Variants in OR52A5 observed in about 807,000 individuals in gnomAD.
OR52A5 encodes olfactory receptor 52A5.
OR52A5 carries 16 observed loss-of-function variants against 18.2 expected under a neutral mutation model. That is an observed-to-expected ratio of 0.88 (90% CI 0.60 to 1.34). The LOEUF is 1.34. Among genes scored for constraint, OR52A5 ranks in the 40% most tolerant of loss-of-function variants. OR52A5 has a pLI of 0.00. For synonymous variants in OR52A5, 140 were observed against 137.2 expected (o/e 1.02, Z -0.14); for missense variants, 418 against 383.0 (o/e 1.09, Z -0.76).
rs556079495 is a variant in OR52A5 at position 5,134,963 on chromosome 11, G to A, written c.-60-2261C>T. The stretch of plus-strand genomic sequence containing the variant: ...CGGCTCACTGCAAGCTCCGCCTCCC[G>A]GGTTCACGCCATTCTCCTGCCTCAG... On this transcript the variant is annotated intron_variant, in intron 1 of 1. Transcript: ENST00000307388. 2.6e-3 allele frequency among the ~76,000 whole-genome samples: 397 copies of A among 152,134 alleles called. 1 individual carries two copies. The highest frequency in any genetic ancestry group is 9.3e-3 in the African/African-American group (386 of 41,500).
chr11:5,137,557 AG>A (rs1397989583), intron 1 of OR52A5, among the ~76,000 whole-genome samples: 5 of 150,876 alleles, frequency 3.3e-5, no homozygotes, highest in African/African-American at 1.2e-4. Flanking sequence ...ATCGCAGGAC[AG>A]CTTCCAGTGT....
At chr11:5,136,534 C>T (rs968989198) in intron 1 of OR52A5, among the ~76,000 whole-genome samples, 3 of 152,166 alleles carry the variant, frequency 2.0e-5, no homozygotes, top group Admixed American at 6.5e-5. Flanking sequence ...TGAAGAGGGA[C>T]ATATCTCTGG....
In OR52A5 at chr11:5,130,988, T is replaced by G. The variant is rs1047128044; in HGVS notation, c.*704A>C. The G allele has an allele frequency of 1.3e-5, 2 of 152,164 alleles. No homozygotes were observed. Among genetic ancestry groups the G allele is most frequent in the African/African-American group, 4.8e-5 (2 of 41,466 alleles). The allele number at this position is 152,164 out of a possible 1,614,324, so 9.4% of individuals were successfully genotyped here. ...TGGAATAAAATCTCTAGCATGGTTT[T>G]CTGTATGGTAAGATTGCATATTACT... On this transcript the variant is annotated 3_prime_UTR_variant, in exon 2 of 2. Transcript: ENST00000307388.
chr11:5,132,001 T>C lies in OR52A5; in HGVS notation c.642A>G (p.Ile214Met). The change falls in exon 2 of 2, where the codon ATA becomes ATG. Residue 214 changes from isoleucine (I) to methionine (M), a missense_variant. Ile to Met is a conservative substitution (Grantham distance 10). Coordinates refer to ENST00000307388, the MANE Select transcript of OR52A5 (RefSeq NM_001005160.3). ...FVAFAILGFD[I>M]IFITLSYVQI... The stretch of plus-strand genomic sequence containing the variant: ...GGACATAGGACAAGGTTATAAATAT[T>C]ATGTCAAACCCTAGGATTGCAAAGG... 6.2e-7 allele frequency: 1 copy of C among 1,614,212 alleles called. No homozygotes were observed. The highest frequency in any genetic ancestry group is 8.5e-7 in the Non-Finnish European group (1 of 1,180,042).
rs55658554 is a variant in OR52A5 at position 5,129,598 on chromosome 11, A to G, written c.*2094T>C. The G allele has an allele frequency of 0.21, 31,920 of 152,020 alleles. 3,727 individuals carry two copies. The highest frequency in any genetic ancestry group is 0.32 in the South Asian group (1,551 of 4,810). The allele number at this position is 152,020 out of a possible 1,614,324, so 9.4% of individuals were successfully genotyped here. A position where few individuals can be genotyped will look rare whatever the true frequency, so the allele number is the denominator to read the frequency against. On this transcript the variant is annotated 3_prime_UTR_variant, in exon 2 of 2. Transcript: ENST00000307388. ...GTCCTTTATCTCGGATTCTGCATCC[A>G]ATTAGCCAGAGCCCTCAATTGAAGA... is the stretch of plus-strand genomic sequence containing the variant.
rs1448086810 is a variant in OR52A5, at chr11:5,129,127, C to T, written c.*2565G>A. The T allele has an allele frequency of 1.3e-5, 2 of 152,224 alleles. No individual in the cohort carries two copies. Among genetic ancestry groups the T allele is most frequent in the African/African-American group, 2.4e-5 (1 of 41,416 alleles). 9.4% of individuals were successfully genotyped at this position (152,224 alleles called of 1,614,324 possible). A position where few individuals can be genotyped will look rare whatever the true frequency, so the allele number is the denominator to read the frequency against. On this transcript the variant is annotated 3_prime_UTR_variant, in exon 2 of 2. Transcript: ENST00000307388. The stretch of plus-strand genomic sequence containing the variant: ...AGGATCATCAGCCACACAGCTATCC[C>T]GGCACTCTGCTCCATTCATTTCCGT...
chr11:5,130,493 CATT>C lies in OR52A5; in HGVS notation c.*1196_*1198del, dbSNP rs898486590. On this transcript the variant is annotated 3_prime_UTR_variant, in exon 2 of 2. Transcript: ENST00000307388. Reference sequence around the variant, plus strand: ...TAATCCAGAATTAAAATGGTTATTTCATTATTAAGTTTTGCTTATCTAATTCAA... The same window carrying C: ...TAATCCAGAATTAAAATGGTTATTTCATTAAGTTTTGCTTATCTAATTCAA... The C allele has an allele frequency of 2.6e-5, 4 of 151,916 alleles. No homozygotes were observed. Among genetic ancestry groups the C allele is most frequent in the African/African-American group, 7.2e-5 (3 of 41,404 alleles). 9.4% of individuals were successfully genotyped at this position (151,916 alleles called of 1,614,324 possible). A position where few individuals can be genotyped will look rare whatever the true frequency, so the allele number is the denominator to read the frequency against.
At chr11:5,134,916 C>G (rs377625781) in intron 1 of OR52A5, among the ~76,000 whole-genome samples, 31 of 152,260 alleles carry the variant, frequency 2.0e-4, no homozygotes, top group South Asian at 6.2e-4. Flanking sequence ...ATCGCCCAGG[C>G]TGGAGTGCAG....
In OR52A5 at chr11:5,129,482, A is replaced by G. The variant is rs973529363; in HGVS notation, c.*2210T>C. Reference sequence around the variant, plus strand: ...AGCCCTCAAACAATTTATTCTTGGAATAAATTTCTCTTTTTAAGATGTTCA... The same window carrying G: ...AGCCCTCAAACAATTTATTCTTGGAGTAAATTTCTCTTTTTAAGATGTTCA... On this transcript the variant is annotated 3_prime_UTR_variant, in exon 2 of 2. Coordinates refer to ENST00000307388, the MANE Select transcript of OR52A5 (RefSeq NM_001005160.3). The G allele has an allele frequency of 2.6e-5, 4 of 152,092 alleles. No homozygotes were observed. In the East Asian group the frequency reaches 7.7e-4, roughly 29 times the overall value. 9.4% of individuals were successfully genotyped at this position (152,092 alleles called of 1,614,324 possible).
chr11:5,131,407 A>G lies in OR52A5; in HGVS notation c.*285T>C, dbSNP rs1846335536. 4.8e-6 allele frequency: 1 copy of G among 209,534 alleles called. No individual in the cohort carries two copies. The allele number at this position is 209,534 out of a possible 1,614,324, so 13.0% of individuals were successfully genotyped here. A position where few individuals can be genotyped will look rare whatever the true frequency, so the allele number is the denominator to read the frequency against. On this transcript the variant is annotated 3_prime_UTR_variant, in exon 2 of 2. Coordinates refer to ENST00000307388, the MANE Select transcript of OR52A5 (RefSeq NM_001005160.3). Reference sequence around the variant, plus strand: ...CTCCTGTGTAAATTCCTTAGTGTTTATAGTCATTGGTTGCATTACATAAGT... The same window carrying G: ...CTCCTGTGTAAATTCCTTAGTGTTTGTAGTCATTGGTTGCATTACATAAGT...
At position 5,132,330 on chromosome 11, in the gene OR52A5, G is replaced by C. The variant is rs1846348293; in HGVS notation, c.313C>G (p.Leu105Val). Residue 105 changes from leucine (L) to valine (V), a missense_variant, in exon 2 of 2, where the codon CTT becomes GTT. Coordinates refer to ENST00000307388, the MANE Select transcript of OR52A5 (RefSeq NM_001005160.3). ...TCAATTGCCTGGAATGAGTGAATAA[G>C]CCACATTTGAAAAAGACAGGCATCA... ...SFDACLFQMWLIHSFQAIESG... is the reference protein window; with the variant it reads ...SFDACLFQMWVIHSFQAIESG... The C allele has an allele frequency of 6.2e-7, 1 of 1,614,144 alleles. No homozygotes were observed. Among genetic ancestry groups the C allele is most frequent in the South Asian group, 1.1e-5 (1 of 91,072 alleles).
At position 5,130,048 on chromosome 11, in the gene OR52A5, T is replaced by C. The variant is rs1287252933; in HGVS notation, c.*1644A>G. On this transcript the variant is annotated 3_prime_UTR_variant, in exon 2 of 2. Coordinates refer to ENST00000307388, the MANE Select transcript of OR52A5 (RefSeq NM_001005160.3). ...AGATAATGTGCATTTTTAAGATCTT[T>C]GTTGTTTGTCTTCCCTCATACTCCA... 2 of 152,170 alleles carry C rather than the reference T, an allele frequency of 1.3e-5. No individual in the cohort carries two copies. Among genetic ancestry groups the C allele is most frequent in the Non-Finnish European group, 2.9e-5 (2 of 68,018 alleles). The allele number at this position is 152,170 out of a possible 1,614,324, so 9.4% of individuals were successfully genotyped here.
In OR52A5 at chr11:5,131,879, T is replaced by C. The variant is rs1684025088; in HGVS notation, c.764A>G (p.Tyr255Cys). The change falls in exon 2 of 2, where the codon TAC (tyrosine) becomes TGC (cysteine). Residue 255 changes from tyrosine to cysteine, a missense_variant. Transcript: ENST00000307388. ...IAHICVFLQFYLLAFFSFFTH... is the reference protein window; with the variant it reads ...IAHICVFLQFCLLAFFSFFTH... ...GAAGAAAGAGAAGAAGGCAAGAAGG[T>C]AGAACTGTAGGAAGACACAAATGTG... 2 of 1,614,102 alleles carry C rather than the reference T, an allele frequency of 1.2e-6. No homozygotes were observed. The highest frequency in any genetic ancestry group is 1.7e-6 in the Non-Finnish European group (2 of 1,180,012).
In OR52A5 at chr11:5,132,720, T is replaced by G; in HGVS notation, c.-60-18A>C. 1 of 857,692 alleles carries G rather than the reference T, an allele frequency of 1.2e-6. No homozygotes were observed. The highest frequency in any genetic ancestry group is 2.7e-5 in the East Asian group (1 of 37,668). 53.1% of individuals were successfully genotyped at this position (857,692 alleles called of 1,614,324 possible). On this transcript the variant is annotated intron_variant, in intron 1 of 1. Transcript: ENST00000307388. ...TGTTGAGCCTTGATGAATTAAAAATTAAAAATATGTTAATTTATTTTAGGA... is the reference window on the plus strand; with the variant it reads ...TGTTGAGCCTTGATGAATTAAAAATGAAAAATATGTTAATTTATTTTAGGA...
At chr11:5,137,442 T>C (rs1238288123) in intron 1 of OR52A5, among the ~76,000 whole-genome samples, 1 of 152,090 alleles carries the variant, frequency 6.6e-6, no homozygotes, top group Non-Finnish European at 1.5e-5. Context: ...CTCATCCCTT[T>C]ATATCATCTT....
Position 5,129,043 on chromosome 11 carries a change from A to G in OR52A5, c.*2649T>C, listed in dbSNP as rs922655580. On this transcript the variant is annotated 3_prime_UTR_variant, in exon 2 of 2. Coordinates refer to ENST00000307388, the MANE Select transcript of OR52A5 (RefSeq NM_001005160.3). The stretch of plus-strand genomic sequence containing the variant: ...CACCAAGGTATTCTGTTGTCTCAGC[A>G]TGCTTCTGAGAATGTTACACACAGC... The G allele has an allele frequency of 6.6e-6, 1 of 152,182 alleles. No individual in the cohort carries two copies. The highest frequency in any genetic ancestry group is 1.5e-5 in the Non-Finnish European group (1 of 68,032). The allele number at this position is 152,182 out of a possible 1,614,324, so 9.4% of individuals were successfully genotyped here.
Position 5,129,686 on chromosome 11 carries a change from A to G in OR52A5, c.*2006T>C, listed in dbSNP as rs1295876680. Reference sequence around the variant, plus strand: ...TCATTTTGAGGCCAGGTCTTTTTTTATACCTTAAAAAAAGGTAATATGAAC... The same window carrying G: ...TCATTTTGAGGCCAGGTCTTTTTTTGTACCTTAAAAAAAGGTAATATGAAC... On this transcript the variant is annotated 3_prime_UTR_variant, in exon 2 of 2. Transcript: ENST00000307388. 6 of 151,956 alleles carry G rather than the reference A, an allele frequency of 3.9e-5. No homozygotes were observed. The highest frequency in any genetic ancestry group is 3.9e-4 in the Admixed American group (6 of 15,238). 9.4% of individuals were successfully genotyped at this position (151,956 alleles called of 1,614,324 possible). A position where few individuals can be genotyped will look rare whatever the true frequency, so the allele number is the denominator to read the frequency against.
chr11:5,130,205 G>A lies in OR52A5; in HGVS notation c.*1487C>T, dbSNP rs898153035. 4.6e-5 allele frequency: 7 copies of A among 151,286 alleles called. No individual in the cohort carries two copies. The highest frequency in any genetic ancestry group is 4.6e-4 in the Admixed American group (7 of 15,196). The allele number at this position is 151,286 out of a possible 1,614,324, so 9.4% of individuals were successfully genotyped here. A position where few individuals can be genotyped will look rare whatever the true frequency, so the allele number is the denominator to read the frequency against. On this transcript the variant is annotated 3_prime_UTR_variant, in exon 2 of 2. Transcript: ENST00000307388. ...TTGTCTATTTTCATTTATATAATTT[G>A]GTGCATTTTTATACCAGATACTTTG...
At chr11:5,134,753 G>T (rs2499950) in intron 1 of OR52A5, among the ~76,000 whole-genome samples, 28 of 151,410 alleles carry the variant, frequency 1.8e-4, no homozygotes, top group African/African-American at 6.8e-4. Flanking sequence ...ATATTAATAT[G>T]GTTGATTATA....
Sources: gnomAD v4.1 joint callset for allele counts (sites outside exome capture counted in the v4.1 genomes callset) on GRCh38, gnomAD v4.1.1 for gene constraint, MANE v1.5 for transcripts, NCBI Gene and HGNC (gene_info 2026-07-23, HGNC 2026-07-21) for gene names.